RAB11FIP3: variants seen among roughly 807,000 people sequenced by gnomAD.
RAB11FIP3 encodes the protein rab11 family-interacting protein 3.
In RAB11FIP3, 17 loss-of-function variants were observed where a neutral mutation model predicts 77.8. That is an observed-to-expected ratio of 0.22 (90% CI 0.15 to 0.33). The LOEUF (loss-of-function observed/expected upper bound fraction) is 0.33, where lower values mean the gene tolerates loss of function less well. Among genes scored for constraint, RAB11FIP3 ranks in the 10% least tolerant of loss-of-function variants. The pLI is 1.00. For missense variants in RAB11FIP3, 1,005 were observed against 1,011.2 expected, an observed-to-expected ratio of 0.99 and a Z score of 0.08; for synonymous variants, 437 against 448.2, an observed-to-expected ratio of 0.98 and a Z score of 0.31.
At chr16:492,360 T>TC in intron 5 of RAB11FIP3, among the ~76,000 whole-genome samples, 333 of 25,592 alleles carry the variant, frequency 0.013, 42 homozygotes, top group African/African-American at 0.024. Context: ...TTGAAGAGGG[T>TC]CTTCCCGGGA....
At chr16:512,898 T>G (rs1222088590) in intron 9 of RAB11FIP3, among the ~76,000 whole-genome samples, 1 of 151,732 alleles carries the variant, frequency 6.6e-6, no homozygotes, top group Non-Finnish European at 1.5e-5. Flanking sequence ...CCCAGGCTGG[T>G]CTTGAACTCC....
chr16:511,810 A>G (rs1431216648), intron 9 of RAB11FIP3, among the ~76,000 whole-genome samples: 1 of 120,096 alleles, frequency 8.3e-6, no homozygotes, highest in Non-Finnish European at 1.7e-5. Context: ...CAGAAACTGC[A>G]GGCCAGGTAG....
At chr16:441,963 C>T (rs1019004713) in intron 1 of RAB11FIP3, among the ~76,000 whole-genome samples, 4 of 152,102 alleles carry the variant, frequency 2.6e-5, no homozygotes, top group African/African-American at 4.8e-5. Context: ...CTCAGCCTCC[C>T]GAGTAGCTGG....
intron 5 of RAB11FIP3, among the ~76,000 whole-genome samples, chr16:494,070 A>ATT (rs148538303): frequency 9.6e-5 from 6 of 62,318 alleles, no homozygotes; most frequent in African/African-American, 6.3e-4. Flanking sequence ...CACCTGGCTA[A>ATT]CTTTTGTATT....
chr16:498,003 G>C (rs1238739704), intron 6 of RAB11FIP3, among the ~76,000 whole-genome samples: 1 of 149,710 alleles, frequency 6.7e-6, no homozygotes, highest in Non-Finnish European at 1.5e-5. Context: ...GCAAGGTCTA[G>C]CTGCGTTGCC....
rs1442138963 is a variant in RAB11FIP3, at chr16:507,230, G to C, written c.1499+1603G>C. ...AGGTTCAAGCGATTCTTCTGCCTCA[G>C]CCTCCTGAGTAGCTGGGACTTGCAG... On this transcript the variant is annotated intron_variant, in intron 8 of 13. Coordinates refer to ENST00000262305, the MANE Select transcript of RAB11FIP3 (RefSeq NM_014700.4). The surrounding 1 kb of genome is among the most constrained non-coding windows in gnomAD (Gnocchi z 4.6). 6.6e-6 allele frequency among the ~76,000 whole-genome samples: 1 copy of C among 151,702 alleles called. No individual in the cohort carries two copies. Among genetic ancestry groups the C allele is most frequent in the African/African-American group, 2.4e-5 (1 of 41,220 alleles).
intron 1 of RAB11FIP3, among the ~76,000 whole-genome samples, chr16:455,455 C>G (rs1370631776): frequency 1.4e-5 from 2 of 147,064 alleles, no homozygotes; most frequent in South Asian, 4.3e-4. Context: ...GCCTGGGTAA[C>G]AGAGGCGACT....
Position 425,720 on chromosome 16 carries a change from C to T in RAB11FIP3, c.-287C>T. ...GGCCTCCTCGGCCCCCGTCCCCCGG[C>T]CTCCTCGGCCCCCGTCCCCCGCCAT... On this transcript the variant is annotated 5_prime_UTR_variant, in exon 1 of 14. Coordinates refer to ENST00000262305, the MANE Select transcript of RAB11FIP3 (RefSeq NM_014700.4). 1 of 313,820 alleles carries T rather than the reference C, an allele frequency of 3.2e-6. No individual in the cohort carries two copies. Among genetic ancestry groups the T allele is most frequent in the East Asian group, 4.9e-5 (1 of 20,374 alleles). 19.4% of individuals were successfully genotyped at this position (313,820 alleles called of 1,614,324 possible).
At chr16:452,132 CAA>C (rs938957512) in intron 1 of RAB11FIP3, among the ~76,000 whole-genome samples, 8 of 151,410 alleles carry the variant, frequency 5.3e-5, no homozygotes, top group African/African-American at 1.5e-4. Flanking sequence ...GCCTGGGCGA[CAA>C]GAGTGAAACT....
intron 1 of RAB11FIP3, among the ~76,000 whole-genome samples, chr16:443,508 C>G (rs2141865626): frequency 6.6e-6 from 1 of 152,274 alleles, no homozygotes; most frequent in Middle Eastern, 3.4e-3. Context: ...TTTAAGTCAA[C>G]ATATTGTTAC....
In RAB11FIP3 at chr16:454,495, C is replaced by T. The variant is rs191998514; in HGVS notation, c.715-6909C>T. On this transcript the variant is annotated intron_variant, in intron 1 of 13. Coordinates refer to ENST00000262305, the MANE Select transcript of RAB11FIP3 (RefSeq NM_014700.4). The stretch of plus-strand genomic sequence containing the variant: ...AGGAGGCTGAGGCAAGAGGATTGGC[C>T]GAGTCTAGTCGTTCACATCTAGCGT... Among the ~76,000 whole-genome samples, 10 of 152,030 alleles carry T rather than the reference C, an allele frequency of 6.6e-5. No homozygotes were observed. The East Asian group carries it at 1.2e-3, about 18-fold the overall frequency.
rs1416278684 is a variant in RAB11FIP3, at chr16:426,310, AGCCCCGAC to A, written c.311_318del (p.Asp104GlyfsTer21). 1 of 1,326,774 alleles carries A rather than the reference AGCCCCGAC, an allele frequency of 7.5e-7. No homozygotes were observed. Among genetic ancestry groups the A allele is most frequent in the Admixed American group, 3.4e-5 (1 of 29,012 alleles). The allele number at this position is 1,326,774 out of a possible 1,614,324, so 82.2% of individuals were successfully genotyped here. A position where few individuals can be genotyped will look rare whatever the true frequency, so the allele number is the denominator to read the frequency against. On this transcript the variant is annotated frameshift_variant, in exon 1 of 14. Coordinates refer to ENST00000262305, the MANE Select transcript of RAB11FIP3 (RefSeq NM_014700.4). LOFTEE classifies it high-confidence loss of function. This position sits in a 1 kb window ranked among gnomAD's most constrained non-coding sequence, Gnocchi z 5.0. ...CTCCGGCCCGCGGGGGCAGCTTGCG[AGCCCCGAC>A]GCCCCGGGCCCAGGGCCGCGCTCCG...
chr16:488,759 T>C, intron 4 of RAB11FIP3, 92 bp from the exon 5 acceptor site: 1 of 1,353,826 alleles, frequency 7.4e-7, no homozygotes, highest in Non-Finnish European at 1.0e-6. Context: ...GTGTGGCTTG[T>C]AGCACACCCT....
intron 5 of RAB11FIP3, among the ~76,000 whole-genome samples, chr16:495,680 A>T (rs1002759471): frequency 6.6e-6 from 1 of 152,202 alleles, no homozygotes; most frequent in Non-Finnish European, 1.5e-5. Context: ...CAGGGCAAGT[A>T]AAAAGGATGG....
At chr16:438,565 C>G (rs1456688217) in intron 1 of RAB11FIP3, among the ~76,000 whole-genome samples, 1 of 149,906 alleles carries the variant, frequency 6.7e-6, no homozygotes, top group East Asian at 2.0e-4. Flanking sequence ...GCCACCACGC[C>G]TGGCTAATTT....
intron 5 of RAB11FIP3, among the ~76,000 whole-genome samples, chr16:491,832 C>T (rs891319158): frequency 7.3e-6 from 1 of 137,636 alleles, no homozygotes; most frequent in African/African-American, 2.5e-5. Flanking sequence ...TGCGGTGAAG[C>T]CCCTGGGTGG....
chr16:466,124 T>G (rs2055698069), intron 2 of RAB11FIP3, among the ~76,000 whole-genome samples: 1 of 152,210 alleles, frequency 6.6e-6, no homozygotes, highest in Non-Finnish European at 1.5e-5. Flanking sequence ...AGGGTAAACT[T>G]GCTCTGCACA....
chr16:475,104 A>G, intron 3 of RAB11FIP3: 1 of 1,550,992 alleles, frequency 6.4e-7, no homozygotes, highest in South Asian at 1.2e-5. Flanking sequence ...TGAGGGTAAG[A>G]GGAGGCAGTA....
In RAB11FIP3 at chr16:455,882, T is replaced by C. The variant is rs115451184; in HGVS notation, c.715-5522T>C. Among the ~76,000 whole-genome samples the C allele has an allele frequency of 1.8e-3, 275 of 152,342 alleles. 1 individual carries two copies. The highest frequency in any genetic ancestry group is 6.0e-3 in the African/African-American group (251 of 41,572). On this transcript the variant is annotated intron_variant, in intron 1 of 13. Coordinates refer to ENST00000262305, the MANE Select transcript of RAB11FIP3 (RefSeq NM_014700.4). ...CTGGAAAGCCAGGTGTGAGCCATTA[T>C]GCCTGGCCTTAGTTTGGTTCAGGCT...
Sources: allele counts gnomAD v4.1 joint callset (sites outside exome capture counted in the v4.1 genomes callset), GRCh38; gene constraint gnomAD v4.1.1; non-coding constraint Gnocchi (gnomAD v3.1); transcripts MANE v1.5; gene names NCBI Gene and HGNC (gene_info 2026-07-23, HGNC 2026-07-21).